HEXD: variants seen among roughly 807,000 people sequenced by gnomAD.
HEXD encodes hexosaminidase D.
HEXD carries 47 observed loss-of-function variants against 54.2 expected under a neutral mutation model. That is an observed-to-expected ratio of 0.87 (90% CI 0.69 to 1.11). HEXD has a LOEUF of 1.11. Among genes scored for constraint, HEXD ranks in the 50% least tolerant of loss-of-function variants. The pLI is 0.00. For synonymous variants in HEXD, 293 were observed against 287.6 expected, an observed-to-expected ratio of 1.02 and a Z score of -0.19; for missense variants, 576 against 649.2, an observed-to-expected ratio of 0.89 and a Z score of 1.23.
At chr17:82,439,596 G>A (rs2053869144) in intron 8 of HEXD, 35 bp from the exon 9 acceptor site, 5 of 1,511,210 alleles carry the variant, frequency 3.3e-6, no homozygotes, top group Non-Finnish European at 4.4e-6. Context: ...GCTGGGGGCG[G>A]GCTGCGGAGC....
At chr17:82,424,919 G>A (rs921878005) in intron 3 of HEXD, among the ~76,000 whole-genome samples, 2 of 152,128 alleles carry the variant, frequency 1.3e-5, no homozygotes, top group African/African-American at 4.8e-5. Flanking sequence ...AGCTGGAGAA[G>A]GCTAGAGAAG....
chr17:82,425,806 T>G (rs1425323080), intron 3 of HEXD: 1 of 152,180 alleles, frequency 6.6e-6, no homozygotes, highest in Non-Finnish European at 1.5e-5. Context: ...CATCTCTATG[T>G]GAAATACAAA....
chr17:82,424,653 T>C, intron 3 of HEXD, 150 bp downstream of exon 3: 1 of 576,558 alleles, frequency 1.7e-6, no homozygotes, highest in Non-Finnish European at 3.1e-6. Flanking sequence ...TCTTTTTAAA[T>C]TCATCTCTTT....
At chr17:82,439,549 G>A (rs2053866914) in intron 8 of HEXD, 82 bp from the exon 9 acceptor site, 1 of 1,494,038 alleles carries the variant, frequency 6.7e-7, no homozygotes, top group East Asian at 2.3e-5. Context: ...TGGAACAACA[G>A]CAGGGACGTC....
chr17:82,439,926 G>A, intron 9 of HEXD: 1 of 1,520,428 alleles, frequency 6.6e-7, no homozygotes, highest in Non-Finnish European at 8.8e-7. Flanking sequence ...TAAGCCCAAA[G>A]CAGGCTGGAG....
chr17:82,439,661 G>T lies in HEXD; in HGVS notation c.930G>T (p.Leu310=). 2.5e-6 allele frequency: 4 copies of T among 1,594,778 alleles called. No individual in the cohort carries two copies. The highest frequency in any genetic ancestry group is 3.4e-6 in the Non-Finnish European group (4 of 1,174,994). The change falls in exon 9 of 13, where the codon CTG becomes CTT. Residue 310 remains leucine, a synonymous_variant. Transcript: ENST00000327949. ...RYDHYSVLCE[L]LPAGVPSLAA... ...ACCACTACTCTGTGCTGTGCGAGCT[G>T]CTGCCCGCAGGAGTCCCGTCCCTGG... is the stretch of plus-strand genomic sequence containing the variant.
At position 82,442,152 on chromosome 17, in the gene HEXD, G is replaced by A; in HGVS notation, c.1254-25G>A. The A allele has an allele frequency of 1.3e-6, 2 of 1,585,962 alleles. No homozygotes were observed. The highest frequency in any genetic ancestry group is 1.7e-6 in the Non-Finnish European group (2 of 1,169,384). ...GGCAAGTCCCAAGTGTGCAGACTGTGCGTTCATGGCGCCCTCACCTGCAGC... is the reference window on the plus strand; with the variant it reads ...GGCAAGTCCCAAGTGTGCAGACTGTACGTTCATGGCGCCCTCACCTGCAGC... On this transcript the variant is annotated intron_variant, in intron 12 of 12. Transcript: ENST00000327949. The surrounding 1 kb of genome is among the most constrained non-coding windows in gnomAD (Gnocchi z 6.8).
intron 8 of HEXD, chr17:82,439,378 C>T (rs1269312949): frequency 9.5e-6 from 9 of 952,242 alleles, no homozygotes; most frequent in Middle Eastern, 5.3e-4. Context: ...CCCATGGCTC[C>T]GGAGAGCATT....
At chr17:82,428,939 A>G (rs565601615) in intron 4 of HEXD, among the ~76,000 whole-genome samples, 1 of 152,230 alleles carries the variant, frequency 6.6e-6, no homozygotes, top group Admixed American at 6.5e-5. Flanking sequence ...TATGTGAGGT[A>G]AAACACAGTA....
chr17:82,436,902 C>T, intron 7 of HEXD, 164 bp downstream of exon 7: 1 of 659,382 alleles, frequency 1.5e-6, no homozygotes, highest in African/African-American at 1.8e-5. Flanking sequence ...TCGGGACGGC[C>T]ACCGTGCACC....
At position 82,441,272 on chromosome 17, in the gene HEXD, C is replaced by G; in HGVS notation, c.1163+6C>G. 1 of 1,374,960 alleles carries G rather than the reference C, an allele frequency of 7.3e-7. No individual in the cohort carries two copies. Among genetic ancestry groups the G allele is most frequent in the Admixed American group, 2.0e-5 (1 of 50,898 alleles). 85.2% of individuals were successfully genotyped at this position (1,374,960 alleles called of 1,614,324 possible). A position where few individuals can be genotyped will look rare whatever the true frequency, so the allele number is the denominator to read the frequency against. On this transcript the variant is annotated splice_donor_region_variant and intron_variant, in intron 11 of 12. Coordinates refer to ENST00000327949, the MANE Select transcript of HEXD (RefSeq NM_001330542.2). ...GCGCTGCTGGAGGGCAACAGGTGAG[C>G]GTGTGGGTTAGGGGCAGGTGTGGGT...
At chr17:82,433,077 G>GAAAAAAAAAAAAAAAAAA (rs71168108) in intron 4 of HEXD, among the ~76,000 whole-genome samples, 1 of 7,836 alleles carries the variant, frequency 1.3e-4, no homozygotes, top group Non-Finnish European at 1.8e-4. Context: ...AAAAAAAAAA[G>GAAAAAAAAAAAAAAAAAA]AAAAAAAAAA....
chr17:82,437,712 C>G (rs903656517), intron 8 of HEXD, among the ~76,000 whole-genome samples: 1 of 152,092 alleles, frequency 6.6e-6, no homozygotes, highest in African/African-American at 2.4e-5. Flanking sequence ...CTAGAAATGC[C>G]GTCTCAATTC....
In HEXD at chr17:82,433,792, C is replaced by T. The variant is rs202204450; in HGVS notation, c.417C>T (p.Gly139=). The T allele has an allele frequency of 3.5e-5, 57 of 1,612,930 alleles. No individual in the cohort carries two copies. In the Middle Eastern group the frequency reaches 6.6e-4, roughly 19 times the overall value. ...ACCAGGTCCTGGAGCTACACCCAGG[C>T]GCCCAGCGGCTGCACATCGGGTGTG... is the stretch of plus-strand genomic sequence containing the variant. ...MIDQVLELHP[G]AQRLHIGCDE... The change falls in exon 5 of 13, where the codon GGC becomes GGT. Residue 139 remains glycine, a synonymous_variant. Coordinates refer to ENST00000327949, the MANE Select transcript of HEXD (RefSeq NM_001330542.2).
chr17:82,441,303 G>C, intron 11 of HEXD, 37 bp downstream of exon 11: 9 of 1,579,786 alleles, frequency 5.7e-6, no homozygotes, highest in Non-Finnish European at 7.7e-6. Flanking sequence ...TGGGTGAGGG[G>C]GGCAGGCATG....
At chr17:82,439,971 TC>T (rs2053882813) in intron 9 of HEXD, 1 of 1,476,594 alleles carries the variant, frequency 6.8e-7, no homozygotes. Flanking sequence ...ACACAGTGAA[TC>T]CGCAGAAATG....
intron 4 of HEXD, among the ~76,000 whole-genome samples, chr17:82,430,819 T>C (rs1371250190): frequency 6.6e-6 from 1 of 152,110 alleles, no homozygotes; most frequent in Non-Finnish European, 1.5e-5. Context: ...TTTGCAGGTA[T>C]TCTCCCCCAG....
At position 82,433,128 on chromosome 17, in the gene HEXD, A is replaced by ATTTT. The variant is rs758489285; in HGVS notation, c.283-517_283-514dup. 4.5e-3 allele frequency among the ~76,000 whole-genome samples: 59 copies of ATTTT among 13,056 alleles called. 5 individuals carry two copies. Among genetic ancestry groups the ATTTT allele is most frequent in the Admixed American group, 7.5e-3 (5 of 668 alleles). 8.6% of individuals were successfully genotyped at this position (13,056 alleles called of 152,430 possible). A position where few individuals can be genotyped will look rare whatever the true frequency, so the allele number is the denominator to read the frequency against. On this transcript the variant is annotated intron_variant, in intron 4 of 12. Transcript: ENST00000327949. ...TATATATATATATATATATATATATATTTTTTTTTTTTTTTTATATATATA... is the reference window on the plus strand; with the variant it reads ...TATATATATATATATATATATATATATTTTTTTTTTTTTTTTTTTTATATATATA...
rs1164079517 is a variant in HEXD, at chr17:82,437,372, T to C, written c.899+9T>C. ...CTGACCGGCTGGCAGAGGTAAGTCC[T>C]GGCCAGTCTGTCCTCAGAGGGTCCA... On this transcript the variant is annotated intron_variant, in intron 8 of 12. Coordinates refer to ENST00000327949, the MANE Select transcript of HEXD (RefSeq NM_001330542.2). 1.1e-5 allele frequency: 18 copies of C among 1,578,326 alleles called. No homozygotes were observed. Among genetic ancestry groups the C allele is most frequent in the East Asian group, 2.3e-5 (1 of 44,248 alleles).
Sources: gnomAD v4.1 joint callset for allele counts (sites outside exome capture counted in the v4.1 genomes callset) on GRCh38, gnomAD v4.1.1 for gene constraint, Gnocchi (gnomAD v3.1) non-coding constraint, MANE v1.5 for transcripts, NCBI Gene and HGNC (gene_info 2026-07-23, HGNC 2026-07-21) for gene names.